The following TMPRSS5 variants were observed in gnomAD, a reference collection of about 807,000 sequenced individuals.
TMPRSS5 encodes transmembrane protease serine 5.
TMPRSS5 carries 45 observed loss-of-function variants against 59.7 expected under a neutral mutation model. That is an observed-to-expected ratio of 0.75 (90% CI 0.59 to 0.97). The LOEUF (loss-of-function observed/expected upper bound fraction) is 0.97. Ranked by LOEUF, TMPRSS5 falls within the 50% of genes least tolerant of loss-of-function variation. TMPRSS5 has a pLI of 0.00. For synonymous variants in TMPRSS5, 225 were observed against 232.0 expected, an observed-to-expected ratio of 0.97 and a Z score of 0.27; for missense variants, 585 against 596.7, an observed-to-expected ratio of 0.98 and a Z score of 0.20.
At chr11:113,693,352 G>C (rs1398976265) in intron 8 of TMPRSS5, 103 bp from the exon 9 acceptor site, 3 of 1,314,604 alleles carry the variant, frequency 2.3e-6, no homozygotes, top group Admixed American at 5.9e-5. Flanking sequence ...CATTGGTGGG[G>C]GGGCCGTCAG....
rs1208027019 is a variant in TMPRSS5 at position 113,698,751 on chromosome 11, C to A, written c.328+154G>T. On this transcript the variant is annotated intron_variant, in intron 4 of 12. Transcript: ENST00000299882. ...GAAAGCCCCAAATCAGAGATCACTGCAAGGTGACACCTTGTCACTGCCCTC... is the reference window on the plus strand; with the variant it reads ...GAAAGCCCCAAATCAGAGATCACTGAAAGGTGACACCTTGTCACTGCCCTC... The A allele has an allele frequency of 3.5e-6, 3 of 867,872 alleles. No individual in the cohort carries two copies. In the African/African-American group the frequency reaches 5.0e-5, roughly 15 times the overall value. The allele number at this position is 867,872 out of a possible 1,614,324, so 53.8% of individuals were successfully genotyped here. A position where few individuals can be genotyped will look rare whatever the true frequency, so the allele number is the denominator to read the frequency against.
intron 1 of TMPRSS5, among the ~76,000 whole-genome samples, chr11:113,703,545 A>G (rs1383927582): frequency 6.6e-6 from 1 of 152,206 alleles, no homozygotes; most frequent in Non-Finnish European, 1.5e-5. Flanking sequence ...AAATGAGGAC[A>G]TGAGATTTGG....
chr11:113,689,349 T>C (rs942694916), intron 12 of TMPRSS5, among the ~76,000 whole-genome samples: 10 of 151,190 alleles, frequency 6.6e-5, no homozygotes, highest in Admixed American at 2.0e-4. Context: ...AGAGCAAAAC[T>C]CCATCTCAAA....
At chr11:113,690,962 G>A in intron 9 of TMPRSS5, 23 bp from the exon 10 acceptor site, 1 of 1,562,126 alleles carries the variant, frequency 6.4e-7, no homozygotes, top group African/African-American at 1.4e-5. Flanking sequence ...ACATGGTCCT[G>A]GTCCCCAGTC....
rs1452601596 is a variant in TMPRSS5, at chr11:113,689,767, G to A, written c.1357C>T (p.Gln453Ter). Residue 453 changes from glutamine (Q) to a stop codon, truncating the protein, a stop_gained and splice_region_variant, in exon 12 of 13, where the codon CAG (glutamine) becomes TAG (stop). Transcript: ENST00000299882. LOFTEE classifies it high-confidence loss of function. Reference protein sequence around the residue: ...EFLDWIHDTAQDSLL With the variant: ...EFLDWIHDTA The stretch of plus-strand genomic sequence containing the variant: ...CCTACTCCTGCCCCCACACTCACCT[G>A]AGCAGTGTCATGGATCCAGTCCAGA... The A allele has an allele frequency of 5.0e-6, 8 of 1,609,922 alleles. No individual in the cohort carries two copies. Among genetic ancestry groups the A allele is most frequent in the East Asian group, 4.5e-5 (2 of 44,724 alleles).
intron 12 of TMPRSS5, among the ~76,000 whole-genome samples, chr11:113,689,483 A>G (rs1266697552): frequency 6.6e-6 from 1 of 152,184 alleles, no homozygotes; most frequent in African/African-American, 2.4e-5. Flanking sequence ...TTATCAGGAA[A>G]TTAAGGTTTA....
Position 113,695,424 on chromosome 11 carries a change from G to T in TMPRSS5, c.598C>A (p.Gln200Lys). Residue 200 changes from glutamine to lysine, a missense_variant, in exon 7 of 13, where the codon CAA becomes AAA. Coordinates refer to ENST00000299882, the MANE Select transcript of TMPRSS5 (RefSeq NM_030770.4). ...WQPRNNCTSG[Q>K]VVSLRCSECG... Reference sequence around the variant, plus strand: ...CCAGAGCATCTGAGGGAAACAACTTGACCAGAAGTGCAGTTGTTCCTGCAA... The same window carrying T: ...CCAGAGCATCTGAGGGAAACAACTTTACCAGAAGTGCAGTTGTTCCTGCAA... 6.2e-7 allele frequency: 1 copy of T among 1,613,950 alleles called. No individual in the cohort carries two copies. Among genetic ancestry groups the T allele is most frequent in the South Asian group, 1.1e-5 (1 of 91,038 alleles).
chr11:113,704,310 A>G (rs914351201), intron 1 of TMPRSS5, among the ~76,000 whole-genome samples: 1 of 152,226 alleles, frequency 6.6e-6, no homozygotes, highest in African/African-American at 2.4e-5. Context: ...GTAAAATAAG[A>G]GTAATAACTC....
At chr11:113,690,752 T>C in intron 10 of TMPRSS5, 89 bp downstream of exon 10, 1 of 1,223,244 alleles carries the variant, frequency 8.2e-7, no homozygotes, top group Non-Finnish European at 1.2e-6. Context: ...GGCACTGTCA[T>C]GTGGCCAGGG....
rs957146358 is a variant in TMPRSS5, at chr11:113,696,862, G to A, written c.574C>T (p.Pro192Ser). The stretch of plus-strand genomic sequence containing the variant: ...TAACAGCCTCAGTAGTCCTACCTGG[G>A]CTGCCACGCCTCCTCCAGGAAGCCT... ...LGGFLEEAWQPRNNCTSGQVV... is the reference protein window; with the variant it reads ...LGGFLEEAWQSRNNCTSGQVV... The change falls in exon 6 of 13, where the codon CCC (proline) becomes TCC (serine). Residue 192 changes from proline (P) to serine (S), a missense_variant. By Grantham distance (74) the Pro-to-Ser change is moderately conservative (BLOSUM62 -1). Transcript: ENST00000299882. 4 of 1,559,464 alleles carry A rather than the reference G, an allele frequency of 2.6e-6. No individual in the cohort carries two copies. In the African/African-American group the frequency reaches 4.1e-5, roughly 16 times the overall value.
intron 10 of TMPRSS5, 67 bp from the exon 11 acceptor site, chr11:113,690,440 G>A (rs1487271404): frequency 3.9e-6 from 6 of 1,548,092 alleles, no homozygotes; most frequent in Admixed American, 2.1e-5. Context: ...GCAGCAAGAG[G>A]GGAGGTAATT....
chr11:113,694,600 C>G lies in TMPRSS5; in HGVS notation c.663G>C (p.Gly221=). The G allele has an allele frequency of 6.4e-7, 1 of 1,552,872 alleles. No individual in the cohort carries two copies. ...ARPLASRIVG[G]QSVAPGRWPW... is the part of the protein sequence containing the mutation. Reference sequence around the variant, plus strand: ...GCCAGCGCCCAGGAGCCACAGACTGCCCACCAACTATCCGGGAAGCCAGGG... The same window carrying G: ...GCCAGCGCCCAGGAGCCACAGACTGGCCACCAACTATCCGGGAAGCCAGGG... Residue 221 remains glycine, a synonymous_variant, in exon 8 of 13, where the codon GGG becomes GGC. Coordinates refer to ENST00000299882, the MANE Select transcript of TMPRSS5 (RefSeq NM_030770.4).
intron 9 of TMPRSS5, 118 bp from the exon 10 acceptor site, chr11:113,691,057 G>C (rs774632627): frequency 3.9e-5 from 36 of 934,206 alleles, no homozygotes; most frequent in Non-Finnish European, 5.3e-5. Context: ...AACAGTCCTG[G>C]CTCCTGGGTT....
Position 113,696,872 on chromosome 11 carries a change from C to T in TMPRSS5, c.564G>A (p.Glu188=). 1.3e-6 allele frequency: 2 copies of T among 1,565,690 alleles called. No homozygotes were observed. The highest frequency in any genetic ancestry group is 1.7e-6 in the Non-Finnish European group (2 of 1,154,490). The change falls in exon 6 of 13, where the codon GAG becomes GAA. Residue 188 remains glutamate, a synonymous_variant. Transcript: ENST00000299882. The part of the protein sequence containing the change: ...LSPRLGGFLE[E]AWQPRNNCTS... ...AGTAGTCCTACCTGGGCTGCCACGC[C>T]TCCTCCAGGAAGCCTCCCAGTCTAG...
chr11:113,689,686 G>C, intron 12 of TMPRSS5, 79 bp downstream of exon 12: 5 of 1,507,876 alleles, frequency 3.3e-6, no homozygotes, highest in Non-Finnish European at 4.5e-6. Context: ...CAGGGCCCGG[G>C]CCTAAGGGGT....
In TMPRSS5 at chr11:113,696,910, C is replaced by G. The variant is rs772249235; in HGVS notation, c.526G>C (p.Ala176Pro). The G allele has an allele frequency of 3.4e-5, 54 of 1,579,864 alleles. No homozygotes were observed. The highest frequency in any genetic ancestry group is 2.1e-5 in the Non-Finnish European group (24 of 1,162,048). ...DIKLNSSQEF[A>P]QLSPRLGGFL... ...CCTCCCAGTCTAGGAGAGAGCTGAG[C>G]AAACTCCTGGGAACTGTTGAGTTTG... is the stretch of plus-strand genomic sequence containing the variant. Residue 176 changes from alanine to proline, a missense_variant, in exon 6 of 13, where the codon GCT becomes CCT. Physicochemically the swap from Ala to Pro is conservative, Grantham distance 27. Coordinates refer to ENST00000299882, the MANE Select transcript of TMPRSS5 (RefSeq NM_030770.4).
chr11:113,703,721 G>A (rs750073987), intron 1 of TMPRSS5, among the ~76,000 whole-genome samples: 2 of 152,218 alleles, frequency 1.3e-5, no homozygotes, highest in Non-Finnish European at 2.9e-5. Context: ...TAGTGAGTGA[G>A]TTCTCACAAG....
At chr11:113,695,484 G>C in intron 6 of TMPRSS5, 41 bp from the exon 7 acceptor site, 1 of 1,605,960 alleles carries the variant, frequency 6.2e-7, no homozygotes, top group Non-Finnish European at 8.5e-7. Flanking sequence ...GGCAGGGGCC[G>C]CCCTGCAGCC....
At chr11:113,688,328 C>T (rs369589781) in intron 12 of TMPRSS5, 54 bp from the exon 13 acceptor site, 309 of 1,297,584 alleles carry the variant, frequency 2.4e-4, no homozygotes, top group Non-Finnish European at 3.1e-4. Context: ...ACTAGCCAAG[C>T]GACTTTTATT....
Sources: gnomAD v4.1 joint callset for allele counts (sites outside exome capture counted in the v4.1 genomes callset) on GRCh38, gnomAD v4.1.1 for gene constraint, MANE v1.5 for transcripts, NCBI Gene and HGNC (gene_info 2026-07-23, HGNC 2026-07-21) for gene names.